Variants in NSUN6 observed in about 807,000 individuals in gnomAD.
NSUN6 encodes the protein tRNA (cytosine(72)-C(5))-methyltransferase NSUN6.
A neutral mutation model predicts 58.0 loss-of-function variants in NSUN6; 64 were observed. The ratio of observed to expected loss-of-function variants is 1.10; its 90% CI spans 0.90 to 1.36. The LOEUF is 1.36. NSUN6 is among the 40% of genes most tolerant of loss of function. The pLI is 0.00. For synonymous variants in NSUN6, 231 were observed against 193.9 expected (o/e 1.19, Z -1.59); for missense variants, 701 against 550.1 (o/e 1.27, Z -2.74).
At chr10:18,567,763 T>TCATTCCATTCTCCATTC (rs2056072538) in intron 8 of NSUN6, among the ~76,000 whole-genome samples, 1 of 148,202 alleles carries the variant, frequency 6.7e-6, no homozygotes, top group Non-Finnish European at 1.5e-5. Context: ...TTTCTCCATT[T>TCATTCCATTCTCCATTC]CATTCCATTC....
At position 18,616,206 on chromosome 10, in the gene NSUN6, T is replaced by C. The variant is rs1489226186; in HGVS notation, c.399A>G (p.Pro133=). Residue 133 remains proline, a synonymous_variant, in exon 4 of 11, where the codon CCA becomes CCG. Transcript: ENST00000377304. The stretch of plus-strand genomic sequence containing the variant: ...TACATTGTGATGCTGACACAATTCC[T>C]GGGGCATAGACATGGGCTCCTCTTA... ...AVLRGAHVYA[P]GIVSASQFMK... 3.8e-6 allele frequency: 6 copies of C among 1,584,496 alleles called. No homozygotes were observed. The highest frequency in any genetic ancestry group is 5.2e-6 in the Non-Finnish European group (6 of 1,153,272).
intron 9 of NSUN6, 53 bp downstream of exon 9, chr10:18,551,770 A>G: frequency 6.6e-7 from 1 of 1,523,674 alleles, no homozygotes; most frequent in Non-Finnish European, 9.1e-7. Flanking sequence ...AGTAGTTTAA[A>G]CATCAAAGTA....
chr10:18,603,905 CG>C (rs2057947694), intron 6 of NSUN6, among the ~76,000 whole-genome samples: 1 of 152,124 alleles, frequency 6.6e-6, no homozygotes, highest in Non-Finnish European at 1.5e-5. Flanking sequence ...ATTAGACTGC[CG>C]GGTGTGGTGG....
intron 8 of NSUN6, among the ~76,000 whole-genome samples, chr10:18,563,380 GGAGAATGGTATGGAACT>G (rs1396554344): frequency 2.6e-5 from 4 of 151,052 alleles, no homozygotes; most frequent in East Asian, 2.0e-4. Context: ...GGAATGGAAC[GGAGAATGGTATGGAACT>G]GAGAATGGTA....
At chr10:18,597,984 A>G (rs1235458436) in intron 6 of NSUN6, among the ~76,000 whole-genome samples, 1 of 152,218 alleles carries the variant, frequency 6.6e-6, no homozygotes, top group Non-Finnish European at 1.5e-5. Context: ...TCTGAGCCCA[A>G]GCTAAGCCAT....
chr10:18,614,637 T>G, intron 4 of NSUN6, 24 bp from the exon 5 acceptor site: 2 of 1,229,156 alleles, frequency 1.6e-6, no homozygotes, highest in South Asian at 3.7e-5. Context: ...AAAATCAGAT[T>G]ACACTGATTT....
At chr10:18,629,213 T>C (rs564539831) in intron 3 of NSUN6, among the ~76,000 whole-genome samples, 92 of 152,296 alleles carry the variant, frequency 6.0e-4, no homozygotes, top group African/African-American at 1.6e-3. Flanking sequence ...CTGAGAGATT[T>C]TGTCACCACC....
chr10:18,585,832 T>C (rs2057109410), intron 8 of NSUN6, 117 bp downstream of exon 8: 7 of 733,924 alleles, frequency 9.5e-6, no homozygotes, highest in Non-Finnish European at 1.5e-5. Flanking sequence ...ATATGTTAAT[T>C]AGCTTGTTTT....
At chr10:18,645,921 T>G (rs1379329139) in intron 2 of NSUN6, among the ~76,000 whole-genome samples, 2 of 152,188 alleles carry the variant, frequency 1.3e-5, no homozygotes, top group African/African-American at 4.8e-5. Flanking sequence ...CACGGAGATA[T>G]ATGGGATTCA....
At chr10:18,646,430 C>T (rs2059548681) in intron 2 of NSUN6, among the ~76,000 whole-genome samples, 1 of 152,024 alleles carries the variant, frequency 6.6e-6, no homozygotes, top group Admixed American at 6.5e-5. Context: ...CCCTGTCCAA[C>T]GTTAACCTTC....
At chr10:18,639,020 C>A (rs1026517496) in intron 3 of NSUN6, among the ~76,000 whole-genome samples, 2 of 149,730 alleles carry the variant, frequency 1.3e-5, no homozygotes, top group African/African-American at 4.9e-5. Flanking sequence ...TTTGGGAGGC[C>A]GAGGAGAGTA....
At chr10:18,632,365 A>G (rs1015428116) in intron 3 of NSUN6, among the ~76,000 whole-genome samples, 6 of 128,024 alleles carry the variant, frequency 4.7e-5, no homozygotes, top group African/African-American at 1.4e-4. Context: ...CATGTCTAAA[A>G]CACCAAAAGC....
chr10:18,552,541 T>G (rs2054670722), intron 8 of NSUN6, among the ~76,000 whole-genome samples: 1 of 152,268 alleles, frequency 6.6e-6, no homozygotes, highest in South Asian at 2.1e-4. Context: ...TTAATATTAT[T>G]GGAGGAAGGT....
intron 8 of NSUN6, among the ~76,000 whole-genome samples, chr10:18,564,666 T>C (rs191665739): frequency 4.0e-5 from 6 of 151,056 alleles, no homozygotes; most frequent in East Asian, 2.0e-4. Context: ...CCACTCTCCA[T>C]TGCATTCTGT....
At chr10:18,575,479 A>C (rs2056602910) in intron 8 of NSUN6, among the ~76,000 whole-genome samples, 1 of 152,216 alleles carries the variant, frequency 6.6e-6, no homozygotes, top group Admixed American at 6.5e-5. Flanking sequence ...TATAGTATCC[A>C]GGTTTGTACT....
intron 6 of NSUN6, among the ~76,000 whole-genome samples, chr10:18,599,684 A>C (rs2057729690): frequency 6.6e-6 from 1 of 152,200 alleles, no homozygotes; most frequent in South Asian, 2.1e-4. Context: ...CAGACAAAGG[A>C]AGGCCGCCAT....
chr10:18,601,246 T>C (rs1361811871), intron 6 of NSUN6, among the ~76,000 whole-genome samples: 1 of 151,996 alleles, frequency 6.6e-6, no homozygotes, highest in African/African-American at 2.4e-5. Context: ...TGCATGAAGA[T>C]GCAGCTCATG....
At chr10:18,583,373 G>C (rs528967658) in intron 8 of NSUN6, among the ~76,000 whole-genome samples, 1 of 152,112 alleles carries the variant, frequency 6.6e-6, no homozygotes, top group South Asian at 2.1e-4. Flanking sequence ...AAGCTTTGTT[G>C]CTCACACAAA....
At chr10:18,603,463 C>A (rs1412279939) in intron 6 of NSUN6, among the ~76,000 whole-genome samples, 1 of 148,688 alleles carries the variant, frequency 6.7e-6, no homozygotes, top group African/African-American at 2.5e-5. Flanking sequence ...CGCTCTTTTT[C>A]TTTTCTTTTC....
Sources: allele counts gnomAD v4.1 joint callset (sites outside exome capture counted in the v4.1 genomes callset), GRCh38; gene constraint gnomAD v4.1.1; transcripts MANE v1.5; gene names NCBI Gene and HGNC (gene_info 2026-07-23, HGNC 2026-07-21).